TMED10: variants seen among roughly 807,000 people sequenced by gnomAD.
TMED10 encodes the protein transmembrane p24 trafficking protein 10, also known as transmembrane emp24 domain-containing protein 10.
In TMED10, 7 loss-of-function variants were observed where a neutral mutation model predicts 23.1. The observed-to-expected ratio is 0.30, with a 90% CI of 0.17 to 0.57. The LOEUF is 0.57. Ranked by LOEUF, TMED10 falls within the 20% of genes least tolerant of loss-of-function variation. The probability of loss-of-function intolerance (pLI) is 0.91; values close to 1 mark genes in which losing one functional copy is unlikely to be tolerated. For missense variants in TMED10, 162 were observed against 274.8 expected, an observed-to-expected ratio of 0.59 and a Z score of 2.90; for synonymous variants, 113 against 106.9, an observed-to-expected ratio of 1.06 and a Z score of -0.35.
chr14:75,167,001 G>GAA (rs1566675855), intron 1 of TMED10, among the ~76,000 whole-genome samples: 2 of 150,004 alleles, frequency 1.3e-5, no homozygotes, highest in Non-Finnish European at 3.0e-5. Flanking sequence ...GAGTGCAGTG[G>GAA]CGTGATCTCG....
At chr14:75,139,271 T>C in intron 3 of TMED10, 1 of 370,834 alleles carries the variant, frequency 2.7e-6, no homozygotes, top group Non-Finnish European at 5.2e-6. Context: ...TTTAGTAAGA[T>C]CTTTCCAAAA....
chr14:75,147,484 G>A lies in TMED10; in HGVS notation c.411+180C>T, dbSNP rs1288132850. On this transcript the variant is annotated intron_variant, in intron 3 of 4. Coordinates refer to ENST00000303575, the MANE Select transcript of TMED10 (RefSeq NM_006827.6). ...GCTGGGATTACAGGAGTGAGCCACC[G>A]CGCCCGGCTAAGGCTGTTAATACCA... 12 of 700,330 alleles carry A rather than the reference G, an allele frequency of 1.7e-5. 1 individual carries two copies. The highest frequency in any genetic ancestry group is 1.1e-4 in the African/African-American group (6 of 56,926). 43.4% of individuals were successfully genotyped at this position (700,330 alleles called of 1,614,324 possible).
At chr14:75,136,172 T>C (rs1445153501) in intron 3 of TMED10, among the ~76,000 whole-genome samples, 1 of 152,220 alleles carries the variant, frequency 6.6e-6, no homozygotes, top group Non-Finnish European at 1.5e-5. Flanking sequence ...TTTTACTTTT[T>C]TTTTGAGACA....
chr14:75,136,030 G>T, intron 3 of TMED10, 144 bp from the exon 4 acceptor site: 2 of 1,223,324 alleles, frequency 1.6e-6, no homozygotes, highest in Admixed American at 3.0e-5. Flanking sequence ...TTAAAATTTG[G>T]GCTTCTTTCT....
intron 2 of TMED10, among the ~76,000 whole-genome samples, chr14:75,151,517 C>T (rs906780349): frequency 5.9e-5 from 9 of 152,200 alleles, no homozygotes; most frequent in African/African-American, 1.9e-4. Context: ...CCATGCCCAG[C>T]CTTTTTTTTA....
intron 3 of TMED10, among the ~76,000 whole-genome samples, chr14:75,147,183 C>CTTTTTTTT (rs1895894334): frequency 2.6e-5 from 2 of 77,802 alleles, no homozygotes; most frequent in African/African-American, 1.2e-4. Flanking sequence ...TTCTTCAAGG[C>CTTTTTTTT]TGTTTTTTTT....
At chr14:75,175,039 C>CAAAA (rs57423430) in intron 1 of TMED10, among the ~76,000 whole-genome samples, 28 of 87,052 alleles carry the variant, frequency 3.2e-4, no homozygotes, top group African/African-American at 1.0e-3. Flanking sequence ...GACTCCGTCT[C>CAAAA]AAAAAAAAAA....
intron 1 of TMED10, among the ~76,000 whole-genome samples, chr14:75,165,829 G>A (rs768393943): frequency 5.9e-5 from 9 of 152,144 alleles, no homozygotes; most frequent in Non-Finnish European, 7.4e-5. Context: ...ATATGATCAA[G>A]GAGGCTAGGA....
Position 75,164,559 on chromosome 14 carries a change from ATATATATATATATATATATTTT to A in TMED10, c.225+11774_225+11795del, listed in dbSNP as rs1450912540. 3.6e-3 allele frequency among the ~76,000 whole-genome samples: 117 copies of A among 32,192 alleles called. 7 individuals carry two copies. The highest frequency in any genetic ancestry group is 0.013 in the African/African-American group (66 of 5,230). The allele number at this position is 32,192 out of a possible 152,430, so 21.1% of individuals were successfully genotyped here. ...TATATATATATATATATATATATAT[ATATATATATATATATATATTTT>A]TTTTTTTTTTTTTGTATTTTTAGAA... On this transcript the variant is annotated intron_variant, in intron 1 of 4. Transcript: ENST00000303575.
At chr14:75,147,185 G>GTTGTTTTTTTTTTTTTT (rs1895894758) in intron 3 of TMED10, among the ~76,000 whole-genome samples, 1 of 116,634 alleles carries the variant, frequency 8.6e-6, no homozygotes, top group African/African-American at 3.8e-5. Context: ...CTTCAAGGCT[G>GTTGTTTTTTTTTTTTTT]TTTTTTTTTT....
intron 1 of TMED10, among the ~76,000 whole-genome samples, chr14:75,162,982 G>A (rs1487647191): frequency 2.0e-5 from 3 of 151,784 alleles, no homozygotes; most frequent in Admixed American, 6.6e-5. Context: ...ACCTTGTAAC[G>A]CCAGCACTTT....
chr14:75,145,269 C>G (rs1895869076), intron 3 of TMED10, among the ~76,000 whole-genome samples: 1 of 152,144 alleles, frequency 6.6e-6, no homozygotes. Context: ...GCTAGGGATT[C>G]CCCTCTTGGG....
At chr14:75,151,051 T>G (rs948515396) in intron 2 of TMED10, among the ~76,000 whole-genome samples, 11 of 151,338 alleles carry the variant, frequency 7.3e-5, no homozygotes, top group African/African-American at 2.2e-4. Flanking sequence ...TACAGGCATG[T>G]GCCACCACCA....
intron 3 of TMED10, among the ~76,000 whole-genome samples, chr14:75,141,466 G>A (rs186855054): frequency 1.3e-5 from 2 of 152,132 alleles, no homozygotes; most frequent in East Asian, 3.9e-4. Flanking sequence ...TTAGGGAAGG[G>A]GATGAAAAAG....
chr14:75,160,610 T>C (rs535204641), intron 1 of TMED10, among the ~76,000 whole-genome samples: 109 of 152,228 alleles, frequency 7.2e-4, no homozygotes, highest in Admixed American at 3.0e-3. Context: ...ATACTTATAA[T>C]AGTGATAATA....
At chr14:75,141,858 T>C (rs1895826316) in intron 3 of TMED10, among the ~76,000 whole-genome samples, 1 of 152,222 alleles carries the variant, frequency 6.6e-6, no homozygotes, top group Non-Finnish European at 1.5e-5. Flanking sequence ...ATTGCTATTA[T>C]TTTTGCAGGG....
intron 1 of TMED10, among the ~76,000 whole-genome samples, chr14:75,162,119 G>C (rs1896092985): frequency 6.6e-6 from 1 of 152,082 alleles, no homozygotes; most frequent in Non-Finnish European, 1.5e-5. Context: ...ACAAAAATTA[G>C]CCAGGCATGG....
At chr14:75,161,040 T>C (rs1189738933) in intron 1 of TMED10, among the ~76,000 whole-genome samples, 1 of 151,806 alleles carries the variant, frequency 6.6e-6, no homozygotes, top group Non-Finnish European at 1.5e-5. Context: ...CTAGACTCCA[T>C]CTCAAGAAAA....
chr14:75,140,162 GTTGT>G lies in TMED10; in HGVS notation c.412-4280_412-4277del, dbSNP rs536717355. ...CCAGAACTATGAGAAATAAATTTCT[GTTGT>G]TTATTCTTTTTGAGATGGACTCTTG... On this transcript the variant is annotated intron_variant, in intron 3 of 4. Transcript: ENST00000303575. Among the ~76,000 whole-genome samples the G allele has an allele frequency of 4.4e-3, 669 of 152,188 alleles. 4 individuals carry two copies. Among genetic ancestry groups the G allele is most frequent in the African/African-American group, 0.015 (636 of 41,548 alleles).
Sources: allele counts gnomAD v4.1 joint callset (sites outside exome capture counted in the v4.1 genomes callset), GRCh38; gene constraint gnomAD v4.1.1; transcripts MANE v1.5; gene names NCBI Gene and HGNC (gene_info 2026-07-23, HGNC 2026-07-21).